The following WWP2 variants were observed in gnomAD, a reference collection of about 807,000 sequenced individuals.
The protein encoded by WWP2 is WW domain containing E3 ubiquitin protein ligase 2, also known as NEDD4-like E3 ubiquitin-protein ligase WWP2.
In WWP2, 57 loss-of-function variants were observed where a neutral mutation model predicts 121.0. That is an observed-to-expected ratio of 0.47 (90% confidence interval 0.38 to 0.59). The LOEUF is 0.59. Ranked by LOEUF, WWP2 falls within the 20% of genes least tolerant of loss-of-function variation. The pLI is 0.00. For synonymous variants in WWP2, 449 were observed against 441.3 expected (o/e 1.02, Z -0.22); for missense variants, 962 against 1,158.9 (o/e 0.83, Z 2.47).
chr16:69,809,810 TAGG>T (rs1567678434), intron 4 of WWP2, among the ~76,000 whole-genome samples: 1 of 127,988 alleles, frequency 7.8e-6, no homozygotes, highest in East Asian at 2.3e-4. Flanking sequence ...GAGAGAGAGA[TAGG>T]AAGGAAGGAA....
At chr16:69,851,038 C>T (rs1428715521) in intron 6 of WWP2, among the ~76,000 whole-genome samples, 3 of 140,912 alleles carry the variant, frequency 2.1e-5, no homozygotes, top group South Asian at 4.5e-4. Context: ...GACAGAGTCT[C>T]GCTCTGTCAT....
chr16:69,807,828 G>A (rs1421698420), intron 4 of WWP2, among the ~76,000 whole-genome samples: 2 of 151,778 alleles, frequency 1.3e-5, no homozygotes, highest in African/African-American at 4.8e-5. Flanking sequence ...GTGTGGTGTT[G>A]CACACCTGTA....
intron 1 of WWP2, chr16:69,774,751 C>T (rs1258017314): frequency 1.3e-5 from 2 of 152,170 alleles, no homozygotes; most frequent in Non-Finnish European, 2.9e-5. Flanking sequence ...AGGAGGATGG[C>T]TTGAGCCTAG....
chr16:69,925,513 T>C lies in WWP2; in HGVS notation c.1234+29T>C, dbSNP rs750742176. The C allele has an allele frequency of 6.2e-7, 1 of 1,611,670 alleles. No individual in the cohort carries two copies. Among genetic ancestry groups the C allele is most frequent in the South Asian group, 1.1e-5 (1 of 90,876 alleles). ...AGTACTGAGTTCTCTTCCTGGCCCT[T>C]GGCCTTCCGTCAGCCACGGTGCTCT... On this transcript the variant is annotated intron_variant, in intron 11 of 23. Coordinates refer to ENST00000359154, the MANE Select transcript of WWP2 (RefSeq NM_001270454.2). This position sits in a 1 kb window ranked among gnomAD's most constrained non-coding sequence, Gnocchi z 4.0.
intron 5 of WWP2, 56 bp downstream of exon 5, chr16:69,840,319 G>A (rs779827378): frequency 5.6e-6 from 9 of 1,605,480 alleles, no homozygotes; most frequent in Non-Finnish European, 7.7e-6. Context: ...GCTGGGCGGG[G>A]GCCAGGAGGT....
intron 13 of WWP2, among the ~76,000 whole-genome samples, chr16:69,930,596 G>T (rs1384386572): frequency 6.6e-6 from 1 of 152,192 alleles, no homozygotes; most frequent in Non-Finnish European, 1.5e-5. Context: ...CTACATAGGA[G>T]GCTGAGGTGG....
At chr16:69,794,757 C>T (rs566391120) in intron 2 of WWP2, among the ~76,000 whole-genome samples, 1 of 152,234 alleles carries the variant, frequency 6.6e-6, no homozygotes, top group South Asian at 2.1e-4. Flanking sequence ...CTTGGCAAAG[C>T]TGCTGGGATT....
intron 7 of WWP2, among the ~76,000 whole-genome samples, chr16:69,886,975 A>T (rs2057937084): frequency 6.6e-6 from 1 of 152,252 alleles, no homozygotes; most frequent in Non-Finnish European, 1.5e-5. Context: ...CACATATGCA[A>T]TCATATATAT....
intron 19 of WWP2, 89 bp downstream of exon 19, chr16:69,936,541 A>T (rs945916476): frequency 6.4e-6 from 10 of 1,566,292 alleles, no homozygotes; most frequent in Non-Finnish European, 8.7e-6. Context: ...CCTGTGGCCC[A>T]TCGGTCACTG....
rs370208026 is a variant in WWP2, at chr16:69,762,409, G to C, written c.-16+18G>C. 2 of 149,482 alleles carry C rather than the reference G, an allele frequency of 1.3e-5. No individual in the cohort carries two copies. The highest frequency in any genetic ancestry group is 4.9e-5 in the African/African-American group (2 of 41,024). 9.3% of individuals were successfully genotyped at this position (149,482 alleles called of 1,614,324 possible). A position where few individuals can be genotyped will look rare whatever the true frequency, so the allele number is the denominator to read the frequency against. On this transcript the variant is annotated intron_variant, in intron 1 of 23. Transcript: ENST00000359154. ...CACGGCAGGTAGCGAGCGCTGGCGC[G>C]GGGGGCGCGGTGGGCTGGCTGCCTG... is the stretch of plus-strand genomic sequence containing the variant.
At chr16:69,835,801 T>TA (rs752415269) in intron 4 of WWP2, among the ~76,000 whole-genome samples, 2 of 137,346 alleles carry the variant, frequency 1.5e-5, no homozygotes, top group East Asian at 4.4e-4. Context: ...AAAACCAAAG[T>TA]AAATTTTTTT....
Position 69,931,814 on chromosome 16 carries a change from A to T in WWP2, c.1606A>T (p.Lys536Ter), listed in dbSNP as rs772150301. 1.2e-6 allele frequency: 2 copies of T among 1,613,676 alleles called. No homozygotes were observed. The highest frequency in any genetic ancestry group is 1.7e-6 in the Non-Finnish European group (2 of 1,180,002). Residue 536 changes from lysine to a stop codon, truncating the protein, a stop_gained, in exon 16 of 24, where the codon AAA becomes TAA. Coordinates refer to ENST00000359154, the MANE Select transcript of WWP2 (RefSeq NM_001270454.2). LOFTEE classifies it high-confidence loss of function. The part of the protein sequence containing the change: ...EDSFQQIMNM[K>*]PYDLRRRLYI... The stretch of plus-strand genomic sequence containing the variant: ...TCTGTCTTCCCAGATCATGAACATG[A>T]AACCCTATGACCTGCGCCGCCGGCT...
chr16:69,903,636 C>G (rs1051081698), intron 8 of WWP2, among the ~76,000 whole-genome samples: 3 of 151,846 alleles, frequency 2.0e-5, no homozygotes, highest in Non-Finnish European at 2.9e-5. Context: ...GGTGTGGTGG[C>G]GCATACCTGT....
At chr16:69,811,480 T>C (rs1280180094) in intron 4 of WWP2, among the ~76,000 whole-genome samples, 1 of 152,120 alleles carries the variant, frequency 6.6e-6, no homozygotes, top group Non-Finnish European at 1.5e-5. Context: ...TAGCAGGGTC[T>C]GGTGGCTTAT....
intron 4 of WWP2, among the ~76,000 whole-genome samples, chr16:69,807,619 C>CAAAAAA (rs530408058): frequency 4.3e-5 from 2 of 46,900 alleles, no homozygotes; most frequent in African/African-American, 1.5e-4. Context: ...ACCCTTTCTC[C>CAAAAAA]AAAAAAAAAA....
chr16:69,864,778 A>G lies in WWP2; in HGVS notation c.576-7026A>G, dbSNP rs186268464. ...GCTCTGTCACCCAGGCTGGAGTGCA[A>G]TGGCTCGATTTTTAATAGAGAAGGG... On this transcript the variant is annotated intron_variant, in intron 6 of 23. Coordinates refer to ENST00000359154, the MANE Select transcript of WWP2 (RefSeq NM_001270454.2). Among the ~76,000 whole-genome samples, 120 of 151,058 alleles carry G rather than the reference A, an allele frequency of 7.9e-4. No homozygotes were observed. In the East Asian group the frequency reaches 0.021, roughly 26 times the overall value.
intron 1 of WWP2, among the ~76,000 whole-genome samples, chr16:69,769,251 A>G (rs12448499): frequency 0.53 from 75,613 of 143,996 alleles, 22,606 homozygotes; most frequent in Non-Finnish European, 0.68. Context: ...CGGGAGGTGG[A>G]GGTTTGCAGT....
chr16:69,793,156 G>A (rs1289714524), intron 2 of WWP2, among the ~76,000 whole-genome samples: 10 of 152,246 alleles, frequency 6.6e-5, no homozygotes, highest in Admixed American at 6.5e-4. Flanking sequence ...TTCAAGACCA[G>A]CCTCGCCAAG....
At position 69,786,986 on chromosome 16, in the gene WWP2, T is replaced by C; in HGVS notation, c.-15-10T>C. ...TATTCTCTGAATTCTTTTTTCTGTT[T>C]GTCTTACAGCTTCACGGTGATGATA... On this transcript the variant is annotated splice_polypyrimidine_tract_variant and intron_variant, in intron 1 of 23. Transcript: ENST00000359154. The C allele has an allele frequency of 2.5e-6, 4 of 1,594,008 alleles. No homozygotes were observed. Among genetic ancestry groups the C allele is most frequent in the Non-Finnish European group, 3.4e-6 (4 of 1,170,456 alleles).
Sources: allele counts gnomAD v4.1 joint callset (sites outside exome capture counted in the v4.1 genomes callset), GRCh38; gene constraint gnomAD v4.1.1; non-coding constraint Gnocchi (gnomAD v3.1); transcripts MANE v1.5; gene names NCBI Gene and HGNC (gene_info 2026-07-23, HGNC 2026-07-21).